Variants in STARD13 observed in about 807,000 individuals in gnomAD.
The protein encoded by STARD13 is stAR-related lipid transfer protein 13.
STARD13 carries 62 observed loss-of-function variants against 106.4 expected under a neutral mutation model. The ratio of observed to expected loss-of-function variants is 0.58; its 90% confidence interval spans 0.48 to 0.72. STARD13 has a LOEUF of 0.72. Among genes scored for constraint, STARD13 ranks in the 30% least tolerant of loss-of-function variants. The probability of loss-of-function intolerance (pLI) is 0.00; values close to 1 mark genes in which losing one functional copy is unlikely to be tolerated. For synonymous variants in STARD13, 565 were observed against 553.0 expected (o/e 1.02, Z -0.31); for missense variants, 1,387 against 1,424.0 (o/e 0.97, Z 0.42).
the STARD13 span, among the ~76,000 whole-genome samples, chr13:33,363,757 G>A: frequency 6.6e-6 from 1 of 152,244 alleles, no homozygotes; most frequent in South Asian, 2.1e-4. Context: ...CCCTCCTGAG[G>A]GTAGGAAGTG....
chr13:33,499,534 C>CT, the STARD13 span, among the ~76,000 whole-genome samples: 159 of 45,040 alleles, frequency 3.5e-3, 4 homozygotes, highest in Admixed American at 8.8e-3. Flanking sequence ...TCTTCTTCTT[C>CT]TTCTTCTTCT....
intron 1 of STARD13, among the ~76,000 whole-genome samples, chr13:33,252,520 G>A (rs1890138793): frequency 6.6e-6 from 1 of 151,800 alleles, no homozygotes; most frequent in Non-Finnish European, 1.5e-5. Context: ...GCTTTGAACA[G>A]TTCTCACTTT....
At chr13:33,540,124 A>T in the STARD13 span, among the ~76,000 whole-genome samples, 1 of 152,226 alleles carries the variant, frequency 6.6e-6, no homozygotes, top group Non-Finnish European at 1.5e-5. Context: ...GCTTCAGGGG[A>T]AATGTTCCAA....
the STARD13 span, among the ~76,000 whole-genome samples, chr13:33,478,942 G>C: frequency 6.6e-6 from 1 of 151,804 alleles, no homozygotes; most frequent in South Asian, 2.1e-4. Context: ...AAAGTAAAAG[G>C]TCAAATTACA....
the STARD13 span, among the ~76,000 whole-genome samples, chr13:33,627,315 T>A: frequency 6.6e-6 from 1 of 152,340 alleles, no homozygotes; most frequent in East Asian, 1.9e-4. Flanking sequence ...TCTCCACTTG[T>A]AGATAGGTAC....
At chr13:33,588,131 T>A in the STARD13 span, among the ~76,000 whole-genome samples, 1 of 152,224 alleles carries the variant, frequency 6.6e-6, no homozygotes, top group Non-Finnish European at 1.5e-5. Flanking sequence ...CACATCTTGC[T>A]GGCTATGCAG....
chr13:33,403,306 G>C, the STARD13 span, among the ~76,000 whole-genome samples: 1 of 152,234 alleles, frequency 6.6e-6, no homozygotes, highest in African/African-American at 2.4e-5. Context: ...AGCTGTGAGA[G>C]TTCAAAACAC....
At chr13:33,171,501 A>G (rs919728176) in intron 1 of STARD13, among the ~76,000 whole-genome samples, 3 of 152,096 alleles carry the variant, frequency 2.0e-5, no homozygotes, top group African/African-American at 7.2e-5. Context: ...ATCCTTCCCT[A>G]CGTATTCTGA....
At chr13:33,301,172 C>T (rs1372592814) in intron 1 of STARD13, among the ~76,000 whole-genome samples, 1 of 152,170 alleles carries the variant, frequency 6.6e-6, no homozygotes, top group African/African-American at 2.4e-5. Flanking sequence ...AGCATTTAGT[C>T]CAGTGCCTGG....
At chr13:33,554,870 T>A in the STARD13 span, among the ~76,000 whole-genome samples, 1 of 152,160 alleles carries the variant, frequency 6.6e-6, no homozygotes, top group Non-Finnish European at 1.5e-5. Flanking sequence ...TATGTGTAAT[T>A]TATTTCAAAA....
chr13:33,609,879 G>A, the STARD13 span, among the ~76,000 whole-genome samples: 1 of 151,968 alleles, frequency 6.6e-6, no homozygotes, highest in African/African-American at 2.4e-5. Flanking sequence ...CTACTTCTTC[G>A]TTCTTTAGGG....
the STARD13 span, among the ~76,000 whole-genome samples, chr13:33,646,106 A>T: frequency 2.9e-4 from 44 of 152,362 alleles, no homozygotes; most frequent in African/African-American, 1.0e-3. Context: ...CAATTGCAAG[A>T]GTAAAACCTG....
At chr13:33,437,928 GCTGTAGTAGA>G in the STARD13 span, among the ~76,000 whole-genome samples, 1 of 152,106 alleles carries the variant, frequency 6.6e-6, no homozygotes, top group African/African-American at 2.4e-5. Flanking sequence ...AAATATTCAG[GCTGTAGTAGA>G]CCGAACTCTC....
At chr13:33,421,672 T>A in the STARD13 span, among the ~76,000 whole-genome samples, 2 of 152,180 alleles carry the variant, frequency 1.3e-5, no homozygotes, top group African/African-American at 4.8e-5. Context: ...ATATCCCTGA[T>A]GAACATCGAT....
At chr13:33,641,801 C>G in the STARD13 span, among the ~76,000 whole-genome samples, 443 of 152,262 alleles carry the variant, frequency 2.9e-3, 6 homozygotes, top group African/African-American at 9.9e-3. Flanking sequence ...AATCGAGCAG[C>G]TGGATCGTGT....
Position 33,202,095 on chromosome 13 carries a change from A to G in STARD13, c.170-34473T>C, listed in dbSNP as rs142563211. Among the ~76,000 whole-genome samples, 616 of 152,296 alleles carry G rather than the reference A, an allele frequency of 4.0e-3. 5 individuals are homozygous for G. The highest frequency in any genetic ancestry group is 0.014 in the African/African-American group (587 of 41,556). ...AGAGGATCTTGATAAATGCTGCCAA[A>G]CTGCCTTTCAAAAAGATGGTCAGAT... On this transcript the variant is annotated intron_variant, in intron 1 of 13. Transcript: ENST00000336934.
At chr13:33,535,118 G>A in the STARD13 span, among the ~76,000 whole-genome samples, 1 of 152,078 alleles carries the variant, frequency 6.6e-6, no homozygotes, top group Non-Finnish European at 1.5e-5. Flanking sequence ...AGGAGGCTGA[G>A]GCTGGAAAAT....
At chr13:33,315,816 TGTC>T (rs1392027431) in intron 1 of STARD13, among the ~76,000 whole-genome samples, 1 of 152,118 alleles carries the variant, frequency 6.6e-6, no homozygotes, top group Admixed American at 6.5e-5. Context: ...TAAACAAAAA[TGTC>T]AGTTGGAAAT....
the STARD13 span, among the ~76,000 whole-genome samples, chr13:33,643,106 T>C: frequency 1.3e-5 from 2 of 151,606 alleles, no homozygotes; most frequent in African/African-American, 4.8e-5. Flanking sequence ...TTGCTGTACC[T>C]TGAGATTCTC....
Sources: allele counts gnomAD v4.1 joint callset (sites outside exome capture counted in the v4.1 genomes callset), GRCh38; gene constraint gnomAD v4.1.1; transcripts MANE v1.5; gene names NCBI Gene and HGNC (gene_info 2026-07-23, HGNC 2026-07-21).